SORL1: variants seen among roughly 807,000 people sequenced by gnomAD.
The protein encoded by SORL1 is sortilin related receptor 1, also known as sortilin-related receptor.
SORL1 carries 127 observed loss-of-function variants against 273.7 expected under a neutral mutation model. The observed-to-expected ratio is 0.46, with a 90% CI of 0.40 to 0.54. The LOEUF (loss-of-function observed/expected upper bound fraction) is 0.54. Among genes scored for constraint, SORL1 ranks in the 20% least tolerant of loss-of-function variants. The probability of loss-of-function intolerance (pLI) is 0.00; values close to 1 mark genes in which losing one functional copy is unlikely to be tolerated. For synonymous variants in SORL1, 1,031 were observed against 1,067.4 expected (o/e 0.97, Z 0.66); for missense variants, 2,494 against 2,846.1 (o/e 0.88, Z 2.81).
intron 32 of SORL1, 113 bp from the exon 33 acceptor site, chr11:121,604,080 G>A (rs1863431172): frequency 1.5e-6 from 2 of 1,339,720 alleles, no homozygotes; most frequent in African/African-American, 2.9e-5. Context: ...CCAGAGGTGT[G>A]TTTTGAAGCA....
intron 1 of SORL1, among the ~76,000 whole-genome samples, chr11:121,456,307 T>C (rs764262028): frequency 1.3e-5 from 2 of 152,256 alleles, no homozygotes; most frequent in Non-Finnish European, 2.9e-5. Context: ...ATTGCTCAAC[T>C]GTCTCATCTT....
rs372675140 is a variant in SORL1, at chr11:121,604,317, C to T, written c.4644C>T (p.Ala1548=). ...GCTCGGACGAGAGCGATGAAAAGGCCTGCAGTGGTGAGTGCCGGTCCACGG... is the reference window on the plus strand; with the variant it reads ...GCTCGGACGAGAGCGATGAAAAGGCTTGCAGTGGTGAGTGCCGGTCCACGG... The part of the protein sequence containing the change: ...LDCSDESDEK[A]CSDELTVYKV... The change falls in exon 33 of 48, where the codon GCC becomes GCT. Residue 1548 remains alanine (A), a synonymous_variant. Transcript: ENST00000260197. 24 of 1,613,118 alleles carry T rather than the reference C, an allele frequency of 1.5e-5. No homozygotes were observed. The highest frequency in any genetic ancestry group is 1.9e-5 in the Non-Finnish European group (23 of 1,179,762).
chr11:121,513,089 A>G lies in SORL1; in HGVS notation c.1026A>G (p.Thr342=), dbSNP rs375335836. Residue 342 remains threonine, a synonymous_variant, in exon 7 of 48, where the codon ACA becomes ACG. Transcript: ENST00000260197. ...RKPMRAAQFV[T]RHPINEYYIA... is the part of the protein sequence containing the mutation. ...CCATGAGAGCAGCCCAGTTTGTCAC[A>G]AGACATCCTATTAATGTGAGTGGGG... 1.9e-6 allele frequency: 3 copies of G among 1,612,656 alleles called. No individual in the cohort carries two copies. The highest frequency in any genetic ancestry group is 2.2e-5 in the East Asian group (1 of 44,884).
chr11:121,488,487 G>A (rs143402760), intron 4 of SORL1, among the ~76,000 whole-genome samples: 5 of 152,200 alleles, frequency 3.3e-5, no homozygotes, highest in African/African-American at 9.6e-5. Flanking sequence ...GGGGTAAATC[G>A]AGGCTCTGGA....
intron 1 of SORL1, among the ~76,000 whole-genome samples, chr11:121,465,174 A>G (rs547962619): frequency 1.1e-4 from 16 of 152,074 alleles, no homozygotes; most frequent in Non-Finnish European, 1.8e-4. Flanking sequence ...CTCCTCTCCA[A>G]TCTCCCAGCC....
At chr11:121,473,205 C>T (rs1012746315) in intron 2 of SORL1, among the ~76,000 whole-genome samples, 1 of 152,132 alleles carries the variant, frequency 6.6e-6, no homozygotes, top group Non-Finnish European at 1.5e-5. Context: ...TTGTAAGGTC[C>T]CATCAGCAGT....
At chr11:121,621,279 C>T (rs748827424) in intron 44 of SORL1, 41 bp downstream of exon 44, 41 of 1,555,448 alleles carry the variant, frequency 2.6e-5, no homozygotes, top group Middle Eastern at 1.7e-4. Context: ...ACACAGCCTG[C>T]CCTCAGTGCT....
At chr11:121,570,819 T>C (rs528290861) in intron 23 of SORL1, among the ~76,000 whole-genome samples, 2 of 152,330 alleles carry the variant, frequency 1.3e-5, no homozygotes, top group African/African-American at 4.8e-5. Flanking sequence ...TTAGGCTGTA[T>C]AATTTTTAAG....
At chr11:121,625,798 T>C (rs567114449) in intron 46 of SORL1, among the ~76,000 whole-genome samples, 17 of 152,218 alleles carry the variant, frequency 1.1e-4, no homozygotes, top group Non-Finnish European at 2.4e-4. Flanking sequence ...ATGCTAGTGA[T>C]GGAAGAGAGG....
At chr11:121,507,790 C>G (rs1034427125) in intron 6 of SORL1, among the ~76,000 whole-genome samples, 3 of 151,830 alleles carry the variant, frequency 2.0e-5, no homozygotes, top group Non-Finnish European at 4.4e-5. Flanking sequence ...ACAATTTCTA[C>G]TGACTACTCT....
rs796673283 is a variant in SORL1, at chr11:121,465,532, C to CT, written c.286-4462dup. ...AATACCTGGGGTTGGGGTGTGTCTC[C>CT]TTTTTTTTTTTTTGAGACGGAGTCT... On this transcript the variant is annotated intron_variant, in intron 1 of 47. Transcript: ENST00000260197. Among the ~76,000 whole-genome samples the CT allele has an allele frequency of 3.9e-3, 562 of 144,510 alleles. 4 individuals carry two copies. The highest frequency in any genetic ancestry group is 8.3e-3 in the African/African-American group (328 of 39,732). 94.8% of individuals were successfully genotyped at this position (144,510 alleles called of 152,430 possible).
At chr11:121,585,497 A>ATG (rs1863084014) in intron 26 of SORL1, among the ~76,000 whole-genome samples, 1 of 125,718 alleles carries the variant, frequency 8.0e-6, no homozygotes, top group South Asian at 2.9e-4. Flanking sequence ...AAAAAAATGT[A>ATG]TATACACACA....
intron 3 of SORL1, among the ~76,000 whole-genome samples, chr11:121,484,960 G>T (rs906357137): frequency 2.0e-5 from 3 of 152,130 alleles, no homozygotes; most frequent in Admixed American, 6.5e-5. Context: ...TTGCCATGTT[G>T]GCCAGGCTGG....
At position 121,608,183 on chromosome 11, in the gene SORL1, G is replaced by A; in HGVS notation, c.5239+7G>A. ...ACCACCATAAAAGGAAAAGGTAAAT[G>A]ATCCCAGCATTTGCAGATTTAGAGA... On this transcript the variant is annotated splice_region_variant and intron_variant, in intron 38 of 47. Transcript: ENST00000260197. 1 of 1,609,024 alleles carries A rather than the reference G, an allele frequency of 6.2e-7. No individual in the cohort carries two copies. Among genetic ancestry groups the A allele is most frequent in the Non-Finnish European group, 8.5e-7 (1 of 1,175,516 alleles).
intron 6 of SORL1, among the ~76,000 whole-genome samples, chr11:121,497,851 T>C (rs1428256591): frequency 6.6e-6 from 1 of 152,210 alleles, no homozygotes; most frequent in Admixed American, 6.5e-5. Context: ...ACTGGGAGGT[T>C]ACTCTGTTGT....
intron 1 of SORL1, among the ~76,000 whole-genome samples, chr11:121,454,075 A>G (rs1237577988): frequency 1.3e-5 from 2 of 152,206 alleles, no homozygotes; most frequent in African/African-American, 2.4e-5. Flanking sequence ...TTGGGCCCAG[A>G]TCCTTGTCCC....
chr11:121,488,367 C>G (rs760904184), intron 4 of SORL1, among the ~76,000 whole-genome samples, 174 bp downstream of exon 4: 17 of 152,264 alleles, frequency 1.1e-4, no homozygotes, highest in Middle Eastern at 3.4e-3. Context: ...ATATCTCCTC[C>G]TGGCACTCTC....
chr11:121,569,433 C>T (rs1035272950), intron 22 of SORL1, among the ~76,000 whole-genome samples: 18 of 152,290 alleles, frequency 1.2e-4, no homozygotes, highest in African/African-American at 3.9e-4. Context: ...GGAGAAATAT[C>T]GCTGAATTCT....
intron 30 of SORL1, chr11:121,590,641 C>A: frequency 1.7e-6 from 1 of 603,718 alleles, no homozygotes; most frequent in African/African-American, 1.9e-5. Context: ...GGAGTAGTTG[C>A]GGTTGAATTA....
Sources: gnomAD v4.1 joint callset for allele counts (sites outside exome capture counted in the v4.1 genomes callset) on GRCh38, gnomAD v4.1.1 for gene constraint, MANE v1.5 for transcripts, NCBI Gene and HGNC (gene_info 2026-07-23, HGNC 2026-07-21) for gene names.